FGGY: variants seen among roughly 807,000 people sequenced by gnomAD.
The protein encoded by FGGY is FGGY carbohydrate kinase domain containing.
In FGGY, 72 loss-of-function variants were observed where a neutral mutation model predicts 71.3. The observed-to-expected ratio is 1.01, with a 90% confidence interval of 0.84 to 1.23. FGGY has a LOEUF of 1.23. Among genes scored for constraint, FGGY ranks in the 50% most tolerant of loss-of-function variants. The pLI is 0.00. For synonymous variants in FGGY, 251 were observed against 250.3 expected (o/e 1.00, Z -0.02); for missense variants, 668 against 682.3 (o/e 0.98, Z 0.23).
intron 8 of FGGY, among the ~76,000 whole-genome samples, chr1:59,557,199 G>A (rs562285933): frequency 1.7e-4 from 26 of 152,152 alleles, no homozygotes; most frequent in Admixed American, 2.6e-4. Flanking sequence ...AAATAAAACC[G>A]CCACTGTGAG....
chr1:59,522,046 C>T (rs2153649095), intron 7 of FGGY, among the ~76,000 whole-genome samples: 1 of 152,316 alleles, frequency 6.6e-6, no homozygotes, highest in Admixed American at 6.5e-5. Context: ...TTTCACCTAC[C>T]AATCGTTGAA....
At chr1:59,363,299 A>G (rs1289232553) in intron 4 of FGGY, among the ~76,000 whole-genome samples, 1 of 152,216 alleles carries the variant, frequency 6.6e-6, no homozygotes, top group Non-Finnish European at 1.5e-5. Context: ...GTCCGACTCT[A>G]AAGCCCCTAC....
At chr1:59,641,969 C>T (rs1375832640) in intron 11 of FGGY, among the ~76,000 whole-genome samples, 1 of 152,082 alleles carries the variant, frequency 6.6e-6, no homozygotes, top group Non-Finnish European at 1.5e-5. Context: ...TGGAAAGCAG[C>T]CAGTGAGTTT....
intron 2 of FGGY, among the ~76,000 whole-genome samples, chr1:59,324,300 G>A (rs1348077587): frequency 8.8e-6 from 1 of 113,208 alleles, no homozygotes; most frequent in African/African-American, 3.5e-5. Flanking sequence ...TTTTTGAGAC[G>A]GAGTCTCGCT....
intron 7 of FGGY, among the ~76,000 whole-genome samples, chr1:59,545,918 C>A (rs2153693954): frequency 6.6e-6 from 1 of 152,322 alleles, no homozygotes. Context: ...GTTATACCTA[C>A]TACCTGGTAC....
intron 7 of FGGY, among the ~76,000 whole-genome samples, chr1:59,524,526 C>T (rs2094923771): frequency 6.6e-6 from 1 of 152,208 alleles, no homozygotes; most frequent in Admixed American, 6.5e-5. Context: ...ATGGACCAAT[C>T]AGTACTCATT....
At chr1:59,325,356 C>CCAACAACAACAACAA (rs563370217) in intron 2 of FGGY, among the ~76,000 whole-genome samples, 74 of 128,808 alleles carry the variant, frequency 5.7e-4, no homozygotes, top group African/African-American at 2.2e-3. Flanking sequence ...GACTCCGTGT[C>CCAACAACAACAACAA]CAACAACAGC....
chr1:59,423,295 C>G (rs1478184868), intron 5 of FGGY, among the ~76,000 whole-genome samples: 1 of 152,148 alleles, frequency 6.6e-6, no homozygotes, highest in Non-Finnish European at 1.5e-5. Context: ...GCACAGAAGC[C>G]TCTCCTAGGT....
At chr1:59,586,294 A>T (rs2096285115) in intron 8 of FGGY, among the ~76,000 whole-genome samples, 1 of 152,218 alleles carries the variant, frequency 6.6e-6, no homozygotes. Context: ...GATTAAGAAA[A>T]TGTGGCAAAT....
At chr1:59,694,617 T>C (rs2097638930) in intron 14 of FGGY, among the ~76,000 whole-genome samples, 1 of 152,010 alleles carries the variant, frequency 6.6e-6, no homozygotes, top group African/African-American at 2.4e-5. Context: ...CAGAGTCTTC[T>C]TCGATATATT....
At chr1:59,494,697 C>T (rs930862707) in intron 6 of FGGY, among the ~76,000 whole-genome samples, 7 of 152,004 alleles carry the variant, frequency 4.6e-5, no homozygotes, top group African/African-American at 1.7e-4. Flanking sequence ...AATACTGTTG[C>T]CCACAAGGAA....
intron 4 of FGGY, among the ~76,000 whole-genome samples, chr1:59,349,679 T>C (rs554542830): frequency 6.6e-6 from 1 of 152,172 alleles, no homozygotes; most frequent in Non-Finnish European, 1.5e-5. Flanking sequence ...TGGGGTGTGT[T>C]TTGGTAAGCA....
At chr1:59,505,086 G>T (rs752953258) in intron 6 of FGGY, among the ~76,000 whole-genome samples, 1 of 152,204 alleles carries the variant, frequency 6.6e-6, no homozygotes, top group Non-Finnish European at 1.5e-5. Flanking sequence ...TTAAAAATAT[G>T]TGTGTGTTTC....
intron 5 of FGGY, among the ~76,000 whole-genome samples, chr1:59,388,867 C>G (rs2060378807): frequency 1.3e-5 from 2 of 151,850 alleles, no homozygotes; most frequent in African/African-American, 4.8e-5. Flanking sequence ...CAGTCATTAC[C>G]ACTATCTATT....
chr1:59,447,013 G>T (rs2071435389), intron 5 of FGGY, among the ~76,000 whole-genome samples: 2 of 152,160 alleles, frequency 1.3e-5, no homozygotes, highest in East Asian at 3.9e-4. Context: ...AAAAGTTCTT[G>T]TTTGTGCTGA....
chr1:59,429,610 T>G (rs932686639), intron 5 of FGGY, among the ~76,000 whole-genome samples: 2 of 152,244 alleles, frequency 1.3e-5, no homozygotes, highest in Non-Finnish European at 2.9e-5. Context: ...CTCTTAAATC[T>G]CATTCCCCTT....
chr1:59,653,343 T>G (rs1216338527), intron 11 of FGGY, among the ~76,000 whole-genome samples: 1 of 152,068 alleles, frequency 6.6e-6, no homozygotes, highest in Non-Finnish European at 1.5e-5. Context: ...CGGGCGCCCC[T>G]CCCCCAGCCT....
chr1:59,615,731 T>C (rs889764479), intron 9 of FGGY, among the ~76,000 whole-genome samples: 9 of 152,088 alleles, frequency 5.9e-5, no homozygotes, highest in Non-Finnish European at 1.2e-4. Flanking sequence ...GGGAGAAAAT[T>C]TTTGCAATCT....
intron 8 of FGGY, among the ~76,000 whole-genome samples, chr1:59,579,717 T>C (rs997565722): frequency 6.6e-6 from 1 of 152,218 alleles, no homozygotes; most frequent in African/African-American, 2.4e-5. Flanking sequence ...GTCTCCTGAC[T>C]GTCTCCCTGT....
Sources: gnomAD v4.1 joint callset for allele counts (sites outside exome capture counted in the v4.1 genomes callset) on GRCh38, gnomAD v4.1.1 for gene constraint, MANE v1.5 for transcripts, NCBI Gene and HGNC (gene_info 2026-07-23, HGNC 2026-07-21) for gene names.